Variants in INSL6 observed in about 807,000 individuals in gnomAD.
The protein encoded by INSL6 is insulin-like peptide INSL6.
A neutral mutation model predicts 9.4 loss-of-function variants in INSL6; 16 were observed. The ratio of observed to expected loss-of-function variants is 1.70; its 90% CI spans 1.15 to 2.59. The LOEUF (loss-of-function observed/expected upper bound fraction) is 2.59, where lower values mean the gene tolerates loss of function less well. INSL6 is among the 30% of genes most tolerant of loss of function. The pLI, the probability that INSL6 is intolerant of heterozygous loss-of-function variation, is 0.00. For synonymous variants in INSL6, 154 were observed against 96.9 expected, an observed-to-expected ratio of 1.59 and a Z score of -3.46; for missense variants, 391 against 257.3, an observed-to-expected ratio of 1.52 and a Z score of -3.56.
At chr9:4,998,058 C>A in the INSL6 span, among the ~76,000 whole-genome samples, 2 of 152,058 alleles carry the variant, frequency 1.3e-5, no homozygotes, top group Non-Finnish European at 2.9e-5. Context: ...TAAACAACTT[C>A]TAGATTTTTT....
At chr9:5,090,523 C>G in the INSL6 span, 2 of 1,591,602 alleles carry the variant, frequency 1.3e-6, no homozygotes, top group South Asian at 2.3e-5. Flanking sequence ...ACATAAAGAA[C>G]GGATAGATCA....
chr9:5,009,215 C>T, the INSL6 span, among the ~76,000 whole-genome samples: 12,821 of 152,160 alleles, frequency 0.084, 1,579 homozygotes, highest in African/African-American at 0.28. Flanking sequence ...AGGTGTTAAA[C>T]ACCTGTGGGA....
At chr9:5,113,217 T>TTTC in the INSL6 span, among the ~76,000 whole-genome samples, 2 of 117,334 alleles carry the variant, frequency 1.7e-5, no homozygotes, top group Non-Finnish European at 3.3e-5. Context: ...TTTTTTTTTT[T>TTTC]TTCCAGTAAA....
At chr9:5,064,732 G>C in the INSL6 span, 4 of 483,626 alleles carry the variant, frequency 8.3e-6, no homozygotes, top group Non-Finnish European at 1.1e-5. Context: ...TCAGACATGA[G>C]AATTTGTAAT....
intron 3 of INSL6, among the ~76,000 whole-genome samples, chr9:5,128,828 T>G (rs985348180): frequency 6.6e-6 from 1 of 152,142 alleles, no homozygotes. Context: ...AGGTAAGTAA[T>G]TATTGTACCA....
At chr9:5,086,130 C>T in the INSL6 span, 2 of 384,108 alleles carry the variant, frequency 5.2e-6, no homozygotes, top group South Asian at 6.1e-5. Flanking sequence ...CGGCGCGCGG[C>T]CCCGGCGGCC....
At chr9:5,016,681 C>T in the INSL6 span, among the ~76,000 whole-genome samples, 2 of 152,122 alleles carry the variant, frequency 1.3e-5, no homozygotes, top group African/African-American at 4.8e-5. Context: ...AATAGAGTAT[C>T]ACCTGAATTA....
At chr9:5,147,412 G>A (rs1824621589) in intron 2 of INSL6, among the ~76,000 whole-genome samples, 1 of 152,202 alleles carries the variant, frequency 6.6e-6, no homozygotes, top group Non-Finnish European at 1.5e-5. Flanking sequence ...AGGTTCTGCT[G>A]CAGAGGCAAT....
At chr9:5,050,914 G>A in the INSL6 span, 3 of 1,224,876 alleles carry the variant, frequency 2.4e-6, no homozygotes, top group Middle Eastern at 2.5e-4. Flanking sequence ...GTTTACCCAT[G>A]CCTTTTGATT....
At chr9:5,110,815 T>G in the INSL6 span, 1 of 435,920 alleles carries the variant, frequency 2.3e-6, no homozygotes, top group Non-Finnish European at 4.4e-6. Context: ...GGGGCCCTGC[T>G]GCATCGCCCG....
intron 3 of INSL6, chr9:5,131,875 A>G (rs1014133484): frequency 6.6e-6 from 1 of 152,228 alleles, no homozygotes; most frequent in Admixed American, 6.5e-5. Flanking sequence ...GAGGCATTTA[A>G]AAATTAAAAT....
the INSL6 span, among the ~76,000 whole-genome samples, chr9:5,082,656 G>T: frequency 6.6e-6 from 1 of 152,224 alleles, no homozygotes. Context: ...ATCACATGGG[G>T]AGAAACCTTG....
At chr9:5,131,475 T>C (rs930173500) in intron 3 of INSL6, among the ~76,000 whole-genome samples, 1 of 149,856 alleles carries the variant, frequency 6.7e-6, no homozygotes, top group Middle Eastern at 3.4e-3. Context: ...TTTGCTCTTG[T>C]CGTCCAGGCT....
intron 1 of INSL6, among the ~76,000 whole-genome samples, chr9:5,166,722 TA>T (rs1283539006): frequency 6.6e-6 from 1 of 152,136 alleles, no homozygotes; most frequent in Non-Finnish European, 1.5e-5. Flanking sequence ...CACTTATTTT[TA>T]AAAAACAGTA....
At chr9:5,039,568 T>A in the INSL6 span, among the ~76,000 whole-genome samples, 1 of 152,114 alleles carries the variant, frequency 6.6e-6, no homozygotes, top group Non-Finnish European at 1.5e-5. Flanking sequence ...ACAGATTACA[T>A]GATCTTGCAT....
downstream of INSL6, among the ~76,000 whole-genome samples, chr9:5,122,767 AC>A (rs1823709776): frequency 6.6e-6 from 1 of 152,038 alleles, no homozygotes; most frequent in African/African-American, 2.4e-5. Flanking sequence ...TATTGTTTGT[AC>A]AAACAATCTA....
the INSL6 span, among the ~76,000 whole-genome samples, chr9:5,037,884 A>G: frequency 6.6e-6 from 1 of 152,174 alleles, no homozygotes. Context: ...CAAATTGTAA[A>G]GATAGTTTCA....
chr9:4,997,351 C>T, the INSL6 span, among the ~76,000 whole-genome samples: 1 of 152,192 alleles, frequency 6.6e-6, no homozygotes, highest in African/African-American at 2.4e-5. Flanking sequence ...GACATTTGCT[C>T]AGCTTCTGGG....
At chr9:5,134,424 G>A (rs139512532) in intron 2 of INSL6, among the ~76,000 whole-genome samples, 4 of 152,238 alleles carry the variant, frequency 2.6e-5, no homozygotes, top group East Asian at 1.9e-4. Context: ...AGGAATAAAC[G>A]TTAAGGGCAT....
Sources: allele counts gnomAD v4.1 joint callset (sites outside exome capture counted in the v4.1 genomes callset), GRCh38; gene constraint gnomAD v4.1.1; transcripts MANE v1.5; gene names NCBI Gene and HGNC (gene_info 2026-07-23, HGNC 2026-07-21).